The following LSM6 variants were observed in gnomAD, a reference collection of about 807,000 sequenced individuals.
The protein encoded by LSM6 is LSM6 homolog, U6 small nuclear RNA and mRNA degradation associated.
LSM6 carries 2 observed loss-of-function variants against 13.5 expected under a neutral mutation model. The ratio of observed to expected loss-of-function variants is 0.15; its 90% CI spans 0.06 to 0.47. LSM6 has a LOEUF of 0.47. Among genes scored for constraint, LSM6 ranks in the 20% least tolerant of loss-of-function variants. The pLI is 0.97. For missense variants in LSM6, 58 were observed against 96.4 expected, an observed-to-expected ratio of 0.60 and a Z score of 1.67; for synonymous variants, 43 against 34.9, an observed-to-expected ratio of 1.23 and a Z score of -0.82.
At chr4:146,183,059 T>A in intron 2 of LSM6, 44 bp downstream of exon 2, 1 of 1,326,238 alleles carries the variant, frequency 7.5e-7, no homozygotes, top group Non-Finnish European at 1.1e-6. Flanking sequence ...ACTGAATAAG[T>A]AAATGTGACT....
chr4:146,178,544 T>G (rs1730161727), intron 1 of LSM6, among the ~76,000 whole-genome samples: 1 of 152,254 alleles, frequency 6.6e-6, no homozygotes, highest in Admixed American at 6.5e-5. Flanking sequence ...CTGCAATTAC[T>G]TGGATTGTAA....
intron 1 of LSM6, chr4:146,176,537 AAAT>A (rs1730112698): frequency 6.6e-6 from 1 of 152,186 alleles, no homozygotes; most frequent in Non-Finnish European, 1.5e-5. Flanking sequence ...TTAGTGAAGA[AAAT>A]AATATTCACT....
At position 146,190,495 on chromosome 4, in the gene LSM6, G is replaced by A. The variant is rs964922593; in HGVS notation, c.*839G>A. Reference sequence around the variant, plus strand: ...AAACATAATTCAGGTTCTAATTGCCGAGCTGAGATTGGGAAAGAATTTTTC... The same window carrying A: ...AAACATAATTCAGGTTCTAATTGCCAAGCTGAGATTGGGAAAGAATTTTTC... On this transcript the variant is annotated 3_prime_UTR_variant, in exon 4 of 4. Coordinates refer to ENST00000296581, the MANE Select transcript of LSM6 (RefSeq NM_007080.3). 5.3e-5 allele frequency: 8 copies of A among 152,302 alleles called. No individual in the cohort carries two copies. The highest frequency in any genetic ancestry group is 2.1e-4 in the South Asian group (1 of 4,832). The allele number at this position is 152,302 out of a possible 1,614,324, so 9.4% of individuals were successfully genotyped here. A position where few individuals can be genotyped will look rare whatever the true frequency, so the allele number is the denominator to read the frequency against.
chr4:146,189,559 C>T (rs770030536), intron 3 of LSM6, 63 bp from the exon 4 acceptor site: 175 of 1,034,180 alleles, frequency 1.7e-4, no homozygotes, highest in Non-Finnish European at 2.5e-4. Context: ...TTTAAACTTG[C>T]TACTATGTAT....
chr4:146,180,015 G>A (rs983459520), intron 1 of LSM6, among the ~76,000 whole-genome samples: 1 of 152,308 alleles, frequency 6.6e-6, no homozygotes, highest in Non-Finnish European at 1.5e-5. Flanking sequence ...CCGCAGAGGC[G>A]TCTCCTCCTT....
intron 1 of LSM6, among the ~76,000 whole-genome samples, chr4:146,179,956 A>T (rs1013200649): frequency 1.3e-5 from 2 of 152,206 alleles, no homozygotes; most frequent in African/African-American, 2.4e-5. Flanking sequence ...TGGGAAACTG[A>T]CCCAGAGCCT....
chr4:146,182,889 T>A, intron 1 of LSM6, 23 bp from the exon 2 acceptor site: 1 of 1,383,752 alleles, frequency 7.2e-7, no homozygotes, highest in Non-Finnish European at 1.0e-6. Flanking sequence ...CCTTTTATTG[T>A]TCCTTTTCAT....
At chr4:146,188,794 A>ATCC (rs1351592638) in intron 3 of LSM6, among the ~76,000 whole-genome samples, 1 of 152,126 alleles carries the variant, frequency 6.6e-6, no homozygotes, top group Non-Finnish European at 1.5e-5. Context: ...GGAACTCAGA[A>ATCC]TAAGGACTTT....
intron 2 of LSM6, chr4:146,183,654 T>C (rs1173700731): frequency 6.6e-6 from 1 of 152,316 alleles, no homozygotes; most frequent in Non-Finnish European, 1.5e-5. Flanking sequence ...TAACTATAAC[T>C]GATTCATTAG....
intron 3 of LSM6, 152 bp from the exon 4 acceptor site, chr4:146,189,470 T>A: frequency 1.6e-6 from 1 of 619,494 alleles, no homozygotes; most frequent in Non-Finnish European, 2.9e-6. Flanking sequence ...AAACTAGTCT[T>A]ACAGTACTTC....
At chr4:146,176,017 T>G (rs1164478310) in intron 1 of LSM6, 1 of 152,302 alleles carries the variant, frequency 6.6e-6, no homozygotes, top group Non-Finnish European at 1.5e-5. Context: ...GCGTCCAAGC[T>G]CTCCGCGCAT....
rs1004688520 is a variant in LSM6, at chr4:146,191,011, TTTAA to T, written c.*1361_*1364del. 1.3e-5 allele frequency: 2 copies of T among 152,240 alleles called. No individual in the cohort carries two copies. Among genetic ancestry groups the T allele is most frequent in the Non-Finnish European group, 2.9e-5 (2 of 68,054 alleles). 9.4% of individuals were successfully genotyped at this position (152,240 alleles called of 1,614,324 possible). Reference sequence around the variant, plus strand: ...AGAGAGTAATTGGAAACAATTATTTTTTAATTAATAACTTGGGAAAGGTGAACAG... The same window carrying T: ...AGAGAGTAATTGGAAACAATTATTTTTTAATAACTTGGGAAAGGTGAACAG... On this transcript the variant is annotated 3_prime_UTR_variant, in exon 4 of 4. Coordinates refer to ENST00000296581, the MANE Select transcript of LSM6 (RefSeq NM_007080.3).
At chr4:146,179,406 T>C (rs1162012421) in intron 1 of LSM6, among the ~76,000 whole-genome samples, 1 of 152,214 alleles carries the variant, frequency 6.6e-6, no homozygotes, top group East Asian at 1.9e-4. Context: ...AATTTACTCA[T>C]ACAAAATGGA....
At chr4:146,177,481 G>A (rs1323127067) in intron 1 of LSM6, among the ~76,000 whole-genome samples, 1 of 152,086 alleles carries the variant, frequency 6.6e-6, no homozygotes, top group East Asian at 1.9e-4. Flanking sequence ...GTTGTTTTCA[G>A]GTTCCCTATA....
At chr4:146,178,402 C>T (rs1442525704) in intron 1 of LSM6, among the ~76,000 whole-genome samples, 1 of 152,118 alleles carries the variant, frequency 6.6e-6, no homozygotes, top group East Asian at 1.9e-4. Flanking sequence ...CCCCTGCTGC[C>T]GAGGAAGGAG....
At chr4:146,182,754 T>C (rs1730258386) in intron 1 of LSM6, among the ~76,000 whole-genome samples, 158 bp from the exon 2 acceptor site, 1 of 152,246 alleles carries the variant, frequency 6.6e-6, no homozygotes, top group African/African-American at 2.4e-5. Context: ...ACTGAAAACA[T>C]GTTAGCTGTC....
rs1382946085 is a variant in LSM6 at position 146,175,755 on chromosome 4, C to G, written c.-67C>G. ...GCTTTCGGTTTTGGCTGGGATCATC[C>G]GCGGCGGCCGGGCTCGTGGGGCGCC... On this transcript the variant is annotated 5_prime_UTR_variant, in exon 1 of 4. Coordinates refer to ENST00000296581, the MANE Select transcript of LSM6 (RefSeq NM_007080.3). The G allele has an allele frequency of 1.3e-5, 2 of 152,338 alleles. No individual in the cohort carries two copies. Among genetic ancestry groups the G allele is most frequent in the Non-Finnish European group, 2.9e-5 (2 of 68,146 alleles). 9.4% of individuals were successfully genotyped at this position (152,338 alleles called of 1,614,324 possible). A position where few individuals can be genotyped will look rare whatever the true frequency, so the allele number is the denominator to read the frequency against.
At chr4:146,182,752 CAT>C (rs1730258322) in intron 1 of LSM6, among the ~76,000 whole-genome samples, 158 bp from the exon 2 acceptor site, 2 of 152,348 alleles carry the variant, frequency 1.3e-5, no homozygotes, top group South Asian at 4.1e-4. Context: ...GTACTGAAAA[CAT>C]GTTAGCTGTC....
rs1156725253 is a variant in LSM6, at chr4:146,191,133, A to T, written c.*1477A>T. On this transcript the variant is annotated 3_prime_UTR_variant, in exon 4 of 4. Transcript: ENST00000296581. The stretch of plus-strand genomic sequence containing the variant: ...TTATCACTTCTTGACAGGGGCTTGG[A>T]AAAGGTCCAGTATGTAAGTACAAAT... 6.6e-6 allele frequency: 1 copy of T among 152,200 alleles called. No homozygotes were observed. Among genetic ancestry groups the T allele is most frequent in the Non-Finnish European group, 1.5e-5 (1 of 68,030 alleles). The allele number at this position is 152,200 out of a possible 1,614,324, so 9.4% of individuals were successfully genotyped here. A position where few individuals can be genotyped will look rare whatever the true frequency, so the allele number is the denominator to read the frequency against.
Sources: gnomAD v4.1 joint callset for allele counts (sites outside exome capture counted in the v4.1 genomes callset) on GRCh38, gnomAD v4.1.1 for gene constraint, MANE v1.5 for transcripts, NCBI Gene and HGNC (gene_info 2026-07-23, HGNC 2026-07-21) for gene names.